FYCO1: variants seen among roughly 807,000 people sequenced by gnomAD.
FYCO1 encodes FYVE and coiled-coil domain-containing protein 1.
A neutral mutation model predicts 165.1 loss-of-function variants in FYCO1; 122 were observed. The observed-to-expected ratio is 0.74, with a 90% CI of 0.64 to 0.86. The LOEUF is 0.86. Ranked by LOEUF, FYCO1 falls within the 40% of genes least tolerant of loss-of-function variation. The pLI is 0.00. For synonymous variants in FYCO1, 648 were observed against 742.5 expected, an observed-to-expected ratio of 0.87 and a Z score of 2.07; for missense variants, 1,702 against 1,810.3, an observed-to-expected ratio of 0.94 and a Z score of 1.09.
rs2125783054 is a variant in FYCO1, at chr3:45,919,130, A to G, written c.*2635T>C. On this transcript the variant is annotated 3_prime_UTR_variant, in exon 18 of 18. Coordinates refer to ENST00000296137, the MANE Select transcript of FYCO1 (RefSeq NM_024513.4). The stretch of plus-strand genomic sequence containing the variant: ...GGACGCTTCCTTCTGGCTGATTTCT[A>G]GTGTAATTCAGTCTAGCCAGGGCTA... The G allele has an allele frequency of 6.7e-6, 1 of 150,296 alleles. No individual in the cohort carries two copies. Among genetic ancestry groups the G allele is most frequent in the Non-Finnish European group, 1.5e-5 (1 of 67,824 alleles). 9.3% of individuals were successfully genotyped at this position (150,296 alleles called of 1,614,324 possible).
In FYCO1 at chr3:45,958,608, C is replaced by T. The variant is rs775657304; in HGVS notation, c.3599G>A (p.Arg1200His). Residue 1200 changes from arginine to histidine, a missense_variant, in exon 13 of 18, where the codon CGC becomes CAC. Transcript: ENST00000296137. ...VRRHHCRICG[R>H]IFCYYCCNNY... ...GTTGCAGCAGTAGTAACAGAAGATG[C>T]GGCCACATATCCTGGGAACAAAACA... 25 of 1,613,986 alleles carry T rather than the reference C, an allele frequency of 1.5e-5. No individual in the cohort carries two copies. Among genetic ancestry groups the T allele is most frequent in the South Asian group, 5.5e-5 (5 of 91,082 alleles).
chr3:45,986,134 C>T (rs1429104123), intron 1 of FYCO1, among the ~76,000 whole-genome samples: 21 of 152,182 alleles, frequency 1.4e-4, no homozygotes, highest in Admixed American at 1.2e-3. Context: ...TTTTAGGCCA[C>T]GGGCCAGTAA....
chr3:45,949,431 G>C (rs1016970457), intron 14 of FYCO1, among the ~76,000 whole-genome samples: 1 of 152,242 alleles, frequency 6.6e-6, no homozygotes, highest in African/African-American at 2.4e-5. Context: ...CAGAAGTAGA[G>C]TCAGGAGACA....
rs1489617526 is a variant in FYCO1 at position 45,964,058 on chromosome 3, A to T, written c.3269+278T>A. On this transcript the variant is annotated intron_variant, in intron 10 of 17. Transcript: ENST00000296137. This position sits in a 1 kb window ranked among gnomAD's most constrained non-coding sequence, Gnocchi z 4.1. ...TATGATCTAACTTTTATTTCATTTT[A>T]GTTTTTCCAAAGCTTGCAGTTACTG... Among the ~76,000 whole-genome samples, 1 of 152,220 alleles carries T rather than the reference A, an allele frequency of 6.6e-6. No individual in the cohort carries two copies. The highest frequency in any genetic ancestry group is 6.5e-5 in the Admixed American group (1 of 15,282).
chr3:45,923,874 G>A (rs1703202869), intron 16 of FYCO1, 109 bp from the exon 17 acceptor site: 5 of 772,464 alleles, frequency 6.5e-6, no homozygotes, highest in Non-Finnish European at 1.2e-5. Flanking sequence ...TGTTGCCTGA[G>A]GTCACAGATG....
intron 2 of FYCO1, among the ~76,000 whole-genome samples, chr3:45,983,521 A>G (rs4683159): frequency 0.59 from 89,145 of 152,154 alleles, 28,529 homozygotes; most frequent in East Asian, 0.99. Flanking sequence ...GCTGGTACAT[A>G]GGATAGACAA....
At chr3:45,936,585 C>T (rs753687109) in intron 14 of FYCO1, 42 bp from the exon 15 acceptor site, 7 of 1,388,658 alleles carry the variant, frequency 5.0e-6, no homozygotes, top group Non-Finnish European at 7.2e-6. Context: ...TAGCTATCAA[C>T]ACACAGGGTC....
At chr3:45,963,493 C>G (rs1206592232) in intron 10 of FYCO1, among the ~76,000 whole-genome samples, 1 of 152,194 alleles carries the variant, frequency 6.6e-6, no homozygotes, top group Non-Finnish European at 1.5e-5. Context: ...TATCCTGGAT[C>G]TCCTACTGAG....
intron 8 of FYCO1, 87 bp from the exon 9 acceptor site, chr3:45,965,212 C>T: frequency 9.8e-7 from 1 of 1,015,340 alleles, no homozygotes. Context: ...CAGATAAAAC[C>T]AAGCTAACTT....
In FYCO1 at chr3:45,931,298, G is replaced by A. The variant is rs1703612587; in HGVS notation, c.4041-17C>T. ...ACTTTGATCCTAAAATAAAAATACA[G>A]AGAGGGACCTGATTGACTGGGCAAA... On this transcript the variant is annotated splice_polypyrimidine_tract_variant and intron_variant, in intron 15 of 17. Coordinates refer to ENST00000296137, the MANE Select transcript of FYCO1 (RefSeq NM_024513.4). 1.2e-6 allele frequency: 2 copies of A among 1,611,280 alleles called. No individual in the cohort carries two copies. Among genetic ancestry groups the A allele is most frequent in the Non-Finnish European group, 1.7e-6 (2 of 1,177,830 alleles).
intron 16 of FYCO1, among the ~76,000 whole-genome samples, chr3:45,927,966 A>G (rs1399405776): frequency 2.6e-5 from 4 of 152,252 alleles, no homozygotes; most frequent in African/African-American, 9.6e-5. Context: ...GATACTCTTC[A>G]TTTCTTTAAA....
intron 15 of FYCO1, among the ~76,000 whole-genome samples, chr3:45,933,720 C>A (rs1703746782): frequency 6.6e-6 from 1 of 152,052 alleles, no homozygotes; most frequent in African/African-American, 2.4e-5. Flanking sequence ...AGCCCCCCAC[C>A]TACACATAAT....
chr3:45,952,320 A>G (rs1705078301), intron 14 of FYCO1, among the ~76,000 whole-genome samples: 1 of 152,010 alleles, frequency 6.6e-6, no homozygotes, highest in South Asian at 2.1e-4. Context: ...CTTGCCAGGG[A>G]TGCTTACACA....
In FYCO1 at chr3:45,975,344, A is replaced by T; in HGVS notation, c.290T>A (p.Leu97His). 1 of 1,612,172 alleles carries T rather than the reference A, an allele frequency of 6.2e-7. No individual in the cohort carries two copies. Among genetic ancestry groups the T allele is most frequent in the Non-Finnish European group, 8.5e-7 (1 of 1,178,190 alleles). ...TCTTCCTTTCCCCAAGGATGTTCGG[A>T]GCTGGAAAAAGCAGATTACATAGAG... is the stretch of plus-strand genomic sequence containing the variant. The part of the protein sequence containing the change: ...GIRFVKSISE[L>H]RTSLGKGRAF... Residue 97 changes from leucine (L) to histidine (H), a missense_variant and splice_region_variant, in exon 5 of 18, where the codon CTC becomes CAC. Coordinates refer to ENST00000296137, the MANE Select transcript of FYCO1 (RefSeq NM_024513.4).
chr3:45,921,659 A>C lies in FYCO1; in HGVS notation c.*106T>G. The C allele has an allele frequency of 1.2e-6, 1 of 805,820 alleles. No homozygotes were observed. Among genetic ancestry groups the C allele is most frequent in the South Asian group, 1.4e-5 (1 of 70,660 alleles). 49.9% of individuals were successfully genotyped at this position (805,820 alleles called of 1,614,324 possible). Reference sequence around the variant, plus strand: ...CCTCTGAGGGGCAGCCCAGGGGCTGAGTTGATGATTTTGGAGCAGCTGACT... The same window carrying C: ...CCTCTGAGGGGCAGCCCAGGGGCTGCGTTGATGATTTTGGAGCAGCTGACT... On this transcript the variant is annotated 3_prime_UTR_variant, in exon 18 of 18. Transcript: ENST00000296137.
chr3:45,969,806 G>C, intron 6 of FYCO1, 41 bp from the exon 7 acceptor site: 1 of 1,559,564 alleles, frequency 6.4e-7, no homozygotes, highest in Non-Finnish European at 8.8e-7. Context: ...TTCAGAGCAG[G>C]AAACCTAACA....
At position 45,968,357 on chromosome 3, in the gene FYCO1, G is replaced by C; in HGVS notation, c.977C>G (p.Ala326Gly). 1 of 1,613,558 alleles carries C rather than the reference G, an allele frequency of 6.2e-7. No homozygotes were observed. Among genetic ancestry groups the C allele is most frequent in the Non-Finnish European group, 8.5e-7 (1 of 1,179,970 alleles). The change falls in exon 8 of 18, where the codon GCA becomes GGA. Residue 326 changes from alanine (A) to glycine (G), a missense_variant. Coordinates refer to ENST00000296137, the MANE Select transcript of FYCO1 (RefSeq NM_024513.4). ...QTCLQGLELGAAEKEEDYHTA... is the reference protein window; with the variant it reads ...QTCLQGLELGGAEKEEDYHTA... Reference sequence around the variant, plus strand: ...GTGGTAGTCCTCCTCCTTCTCTGCTGCTCCTAGCTCCAGGCCCTGCAGGCA... The same window carrying C: ...GTGGTAGTCCTCCTCCTTCTCTGCTCCTCCTAGCTCCAGGCCCTGCAGGCA...
intron 4 of FYCO1, among the ~76,000 whole-genome samples, chr3:45,976,307 C>G (rs1706754313): frequency 6.6e-6 from 1 of 152,232 alleles, no homozygotes; most frequent in Non-Finnish European, 1.5e-5. Context: ...ATATGTTGGT[C>G]AGAGACTCTG....
chr3:45,966,318 G>T lies in FYCO1; in HGVS notation c.3016C>A (p.Gln1006Lys), dbSNP rs761319601. 5.6e-6 allele frequency: 9 copies of T among 1,614,204 alleles called. No individual in the cohort carries two copies. In the East Asian group the frequency reaches 2.0e-4, roughly 36 times the overall value. The part of the protein sequence containing the change: ...AHQELNTLKF[Q>K]LSAEIMDYQS... Reference sequence around the variant, plus strand: ...TAGTCCATGATTTCAGCACTCAGCTGGAACTTGAGGGTGTTGAGCTCCTGG... The same window carrying T: ...TAGTCCATGATTTCAGCACTCAGCTTGAACTTGAGGGTGTTGAGCTCCTGG... Residue 1006 changes from glutamine to lysine, a missense_variant, in exon 8 of 18, where the codon CAG (glutamine) becomes AAG (lysine). By Grantham distance (53) the Gln-to-Lys change is moderately conservative. Transcript: ENST00000296137.
Sources: gnomAD v4.1 joint callset for allele counts (sites outside exome capture counted in the v4.1 genomes callset) on GRCh38, gnomAD v4.1.1 for gene constraint, Gnocchi (gnomAD v3.1) non-coding constraint, MANE v1.5 for transcripts, NCBI Gene and HGNC (gene_info 2026-07-23, HGNC 2026-07-21) for gene names.